PCDH15: variants seen among roughly 807,000 people sequenced by gnomAD.
PCDH15 encodes protocadherin related 15.
In PCDH15, 129 loss-of-function variants were observed where a neutral mutation model predicts 178.5. That is an observed-to-expected ratio of 0.72 (90% CI 0.63 to 0.84). The LOEUF is 0.84. PCDH15 is among the 40% of genes least tolerant of loss of function. The pLI, the probability that PCDH15 is intolerant of heterozygous loss-of-function variation, is 0.00. For synonymous variants in PCDH15, 800 were observed against 732.0 expected, an observed-to-expected ratio of 1.09 and a Z score of -1.50; for missense variants, 2,230 against 2,099.9, an observed-to-expected ratio of 1.06 and a Z score of -1.21.
At chr10:55,503,511 A>G (rs1352866743) in intron 2 of PCDH15, among the ~76,000 whole-genome samples, 1 of 150,984 alleles carries the variant, frequency 6.6e-6, no homozygotes, top group Non-Finnish European at 1.5e-5. Context: ...TTGAAGTCTT[A>G]GATTTTCATA....
At chr10:54,276,924 G>A (rs1169459441) in intron 8 of PCDH15, among the ~76,000 whole-genome samples, 1 of 151,576 alleles carries the variant, frequency 6.6e-6, no homozygotes, top group African/African-American at 2.4e-5. Context: ...ATTATTTCTT[G>A]TATCTACAAG....
chr10:55,418,964 TATA>T (rs1236941831), intron 2 of PCDH15, among the ~76,000 whole-genome samples: 1 of 151,784 alleles, frequency 6.6e-6, no homozygotes, highest in Non-Finnish European at 1.5e-5. Context: ...TTGAAAACAT[TATA>T]ATATCTACGT....
intron 8 of PCDH15, among the ~76,000 whole-genome samples, chr10:54,244,846 G>A (rs1353068634): frequency 6.6e-6 from 1 of 152,184 alleles, no homozygotes. Context: ...AAGAAATTGA[G>A]CAGACAGAGT....
chr10:54,259,524 T>G (rs1457913070), intron 8 of PCDH15, among the ~76,000 whole-genome samples: 2 of 152,112 alleles, frequency 1.3e-5, no homozygotes, highest in Non-Finnish European at 2.9e-5. Flanking sequence ...TAAGAGAAGA[T>G]AAGAAAAGAA....
intron 16 of PCDH15, among the ~76,000 whole-genome samples, chr10:54,083,037 T>A (rs1404183999): frequency 2.0e-5 from 3 of 151,830 alleles, no homozygotes; most frequent in Non-Finnish European, 4.4e-5. Context: ...CAAATGCAAA[T>A]CAAAACCCAC....
intron 19 of PCDH15, among the ~76,000 whole-genome samples, chr10:54,021,331 C>T (rs1236128749): frequency 6.6e-6 from 1 of 151,990 alleles, no homozygotes; most frequent in Admixed American, 6.6e-5. Context: ...GCAAACACCT[C>T]CTATGGTGAA....
At chr10:54,683,364 C>G (rs2094934454) in intron 1 of PCDH15, among the ~76,000 whole-genome samples, 1 of 152,018 alleles carries the variant, frequency 6.6e-6, no homozygotes, top group African/African-American at 2.4e-5. Context: ...CTCCCCGCCC[C>G]TGGTAACCAT....
intron 3 of PCDH15, among the ~76,000 whole-genome samples, chr10:54,519,100 A>G (rs1261506315): frequency 6.6e-6 from 1 of 152,166 alleles, no homozygotes; most frequent in Non-Finnish European, 1.5e-5. Context: ...CCCACAGCCA[A>G]CATCATACTG....
At chr10:54,886,080 A>G (rs1161683275) in intron 3 of PCDH15, among the ~76,000 whole-genome samples, 1 of 145,248 alleles carries the variant, frequency 6.9e-6, no homozygotes, top group Non-Finnish European at 1.5e-5. Flanking sequence ...TTCAGAATAA[A>G]TAATTCAATG....
At chr10:54,572,840 C>A (rs2133609236) in intron 2 of PCDH15, among the ~76,000 whole-genome samples, 1 of 152,152 alleles carries the variant, frequency 6.6e-6, no homozygotes, top group African/African-American at 2.4e-5. Flanking sequence ...AAGGATAATT[C>A]ACTTCTCTAT....
intron 2 of PCDH15, among the ~76,000 whole-genome samples, chr10:55,020,631 A>C (rs1416519825): frequency 1.3e-5 from 2 of 152,182 alleles, no homozygotes; most frequent in Admixed American, 1.3e-4. Context: ...ATTAAGCCAG[A>C]GGGAAAAGTC....
chr10:54,338,937 A>G (rs926931874), intron 6 of PCDH15, among the ~76,000 whole-genome samples: 1 of 152,208 alleles, frequency 6.6e-6, no homozygotes, highest in African/African-American at 2.4e-5. Flanking sequence ...TAACAATGAG[A>G]TTTAATATAT....
chr10:55,197,113 T>C (rs564340451), intron 1 of PCDH15, among the ~76,000 whole-genome samples: 3 of 151,984 alleles, frequency 2.0e-5, no homozygotes, highest in Non-Finnish European at 2.9e-5. Context: ...AGAGGCCAGA[T>C]TGAAACAATT....
intron 2 of PCDH15, among the ~76,000 whole-genome samples, chr10:54,547,376 A>G (rs974210298): frequency 6.6e-6 from 1 of 151,696 alleles, no homozygotes; most frequent in African/African-American, 2.4e-5. Context: ...AGAGTATCTG[A>G]TATATTTGTA....
At chr10:55,178,163 G>A (rs1159418564) in intron 1 of PCDH15, among the ~76,000 whole-genome samples, 2 of 152,022 alleles carry the variant, frequency 1.3e-5, no homozygotes, top group Non-Finnish European at 2.9e-5. Context: ...ATTATTCTAG[G>A]TTTTCCTTCC....
chr10:53,973,004 T>C (rs10825180), intron 21 of PCDH15, among the ~76,000 whole-genome samples: 106,679 of 151,326 alleles, frequency 0.7, 37,959 homozygotes, highest in East Asian at 0.87. Flanking sequence ...ATGTTTATTG[T>C]GGTACTATTC....
At chr10:54,529,201 C>G (rs1272033907) in intron 2 of PCDH15, among the ~76,000 whole-genome samples, 1 of 151,994 alleles carries the variant, frequency 6.6e-6, no homozygotes, top group Non-Finnish European at 1.5e-5. Context: ...GCTGGGAGAT[C>G]TACACATTTT....
chr10:54,846,408 T>C (rs16906592), intron 3 of PCDH15, among the ~76,000 whole-genome samples: 23,589 of 152,082 alleles, frequency 0.16, 2,354 homozygotes, highest in East Asian at 0.44. Context: ...ATGAATAAAA[T>C]AATTTTTCTG....
At chr10:54,827,217 CT>C (rs1953146932) in intron 3 of PCDH15, among the ~76,000 whole-genome samples, 1 of 152,086 alleles carries the variant, frequency 6.6e-6, no homozygotes, top group Admixed American at 6.6e-5. Context: ...CTCAAGTGCT[CT>C]CTCAAAGAAA....
Sources: gnomAD v4.1 joint callset for allele counts (sites outside exome capture counted in the v4.1 genomes callset) on GRCh38, gnomAD v4.1.1 for gene constraint, MANE v1.5 for transcripts, NCBI Gene and HGNC (gene_info 2026-07-23, HGNC 2026-07-21) for gene names.